Variants in SIPA1L3 observed in about 807,000 individuals in gnomAD.
The protein encoded by SIPA1L3 is signal induced proliferation associated 1 like 3.
A neutral mutation model predicts 150.1 loss-of-function variants in SIPA1L3; 59 were observed. The observed-to-expected ratio is 0.39, with a 90% CI of 0.32 to 0.49. SIPA1L3 has a LOEUF of 0.49. Ranked by LOEUF, SIPA1L3 falls within the 20% of genes least tolerant of loss-of-function variation. SIPA1L3 has a pLI of 0.86. For synonymous variants in SIPA1L3, 1,070 were observed against 1,077.6 expected (o/e 0.99, Z 0.14); for missense variants, 2,211 against 2,489.5 (o/e 0.89, Z 2.38).
At chr19:37,918,911 T>TAAATAAATAAAC (rs1555764307) in intron 1 of SIPA1L3, among the ~76,000 whole-genome samples, 9 of 149,572 alleles carry the variant, frequency 6.0e-5, no homozygotes, top group Non-Finnish European at 1.3e-4. Flanking sequence ...AATAAATAAA[T>TAAATAAATAAAC]AAATAAACAA....
At chr19:38,014,543 TC>T (rs1203974249) in intron 1 of SIPA1L3, among the ~76,000 whole-genome samples, 10 of 114,024 alleles carry the variant, frequency 8.8e-5, no homozygotes, top group Non-Finnish European at 1.0e-4. Flanking sequence ...CACACCACAT[TC>T]TTTTTTTTTT....
intron 1 of SIPA1L3, among the ~76,000 whole-genome samples, chr19:37,961,687 T>A (rs1019627026): frequency 8.5e-5 from 13 of 152,332 alleles, no homozygotes; most frequent in African/African-American, 3.1e-4. Context: ...TTTGGGCTAT[T>A]ACTTGTTCAG....
chr19:37,987,640 C>T (rs833910), intron 1 of SIPA1L3, among the ~76,000 whole-genome samples: 96,046 of 152,052 alleles, frequency 0.63, 30,917 homozygotes, highest in East Asian at 0.86. Context: ...CCAGCGGCCT[C>T]GCACCCTCTA....
chr19:38,175,782 G>T (rs925040398), intron 15 of SIPA1L3, among the ~76,000 whole-genome samples: 3 of 152,222 alleles, frequency 2.0e-5, no homozygotes, highest in African/African-American at 7.2e-5. Flanking sequence ...ACGCAAGTTG[G>T]CCACTGTGTT....
chr19:38,055,600 A>G (rs925819771), intron 2 of SIPA1L3, among the ~76,000 whole-genome samples: 1 of 152,188 alleles, frequency 6.6e-6, no homozygotes, highest in African/African-American at 2.4e-5. Flanking sequence ...GTATCCTGCC[A>G]CCCCAACAAA....
intron 2 of SIPA1L3, among the ~76,000 whole-genome samples, chr19:38,041,767 G>A (rs1968931620): frequency 6.6e-6 from 1 of 150,462 alleles, no homozygotes. Context: ...TATAGAGACA[G>A]GTCTCACTAT....
intron 1 of SIPA1L3, among the ~76,000 whole-genome samples, chr19:38,026,394 A>G (rs1968511227): frequency 6.6e-6 from 1 of 152,124 alleles, no homozygotes; most frequent in African/African-American, 2.4e-5. Context: ...ACCCCGGGCC[A>G]TCTCTGAAGC....
intron 1 of SIPA1L3, among the ~76,000 whole-genome samples, chr19:37,957,335 C>G (rs1439198078): frequency 2.0e-5 from 3 of 152,190 alleles, no homozygotes; most frequent in East Asian, 3.8e-4. Context: ...ATTTGATAGA[C>G]TGTGTGTTGA....
At chr19:38,189,993 C>T (rs1486269799) in intron 16 of SIPA1L3, among the ~76,000 whole-genome samples, 2 of 152,134 alleles carry the variant, frequency 1.3e-5, no homozygotes, top group African/African-American at 4.8e-5. Flanking sequence ...GGGCCTGGCC[C>T]TTTCCTGGCT....
At chr19:38,097,257 G>C (rs1259331280) in intron 4 of SIPA1L3, among the ~76,000 whole-genome samples, 1 of 152,198 alleles carries the variant, frequency 6.6e-6, no homozygotes, top group East Asian at 1.9e-4. Flanking sequence ...GGCTGAGGCA[G>C]GGGATCTCTT....
At position 38,082,790 on chromosome 19, in the gene SIPA1L3, G is replaced by A; in HGVS notation, c.1225G>A (p.Glu409Lys). 1 of 1,613,490 alleles carries A rather than the reference G, an allele frequency of 6.2e-7. No homozygotes were observed. The highest frequency in any genetic ancestry group is 8.5e-7 in the Non-Finnish European group (1 of 1,179,890). Residue 409 changes from glutamate (E) to lysine (K), a missense_variant, in exon 3 of 22, where the codon GAG (glutamate) becomes AAG (lysine). Transcript: ENST00000222345. ...FTSTEDLNCKENLEQDLGDDN... is the reference protein window; with the variant it reads ...FTSTEDLNCKKNLEQDLGDDN... The stretch of plus-strand genomic sequence containing the variant: ...CAGCACAGAGGACCTAAACTGCAAG[G>A]AGAACTTGGAGCAGGACCTCGGCGA...
chr19:37,969,561 AT>A (rs1414482898), intron 1 of SIPA1L3, among the ~76,000 whole-genome samples: 11 of 152,262 alleles, frequency 7.2e-5, no homozygotes, highest in East Asian at 5.8e-4. Flanking sequence ...AAAAAAAAAA[AT>A]AACACAAATA....
At chr19:37,997,155 C>G (rs1322151063) in intron 1 of SIPA1L3, among the ~76,000 whole-genome samples, 1 of 152,134 alleles carries the variant, frequency 6.6e-6, no homozygotes, top group East Asian at 1.9e-4. Flanking sequence ...TTAATAGATA[C>G]CTTCGTCTTC....
At chr19:37,971,690 G>A (rs931050645) in intron 1 of SIPA1L3, among the ~76,000 whole-genome samples, 1 of 151,984 alleles carries the variant, frequency 6.6e-6, no homozygotes, top group Non-Finnish European at 1.5e-5. Context: ...TTAGCCTCCT[G>A]AGTACCTGGG....
intron 4 of SIPA1L3, among the ~76,000 whole-genome samples, chr19:38,091,841 C>T (rs1285192477): frequency 1.3e-5 from 2 of 151,572 alleles, no homozygotes; most frequent in Non-Finnish European, 2.9e-5. Flanking sequence ...GTGGATCACC[C>T]GAGGTCAGGA....
intron 1 of SIPA1L3, among the ~76,000 whole-genome samples, chr19:37,986,895 A>G (rs546622910): frequency 6.6e-6 from 1 of 152,218 alleles, no homozygotes; most frequent in East Asian, 1.9e-4. Flanking sequence ...GTTCTCATTC[A>G]TCTGGTCTGA....
intron 8 of SIPA1L3, among the ~76,000 whole-genome samples, chr19:38,112,305 C>T (rs200640057): frequency 2.3e-4 from 35 of 152,156 alleles, no homozygotes; most frequent in African/African-American, 5.3e-4. Flanking sequence ...TACATGCACA[C>T]GCACACATAC....
intron 1 of SIPA1L3, among the ~76,000 whole-genome samples, chr19:37,997,295 C>T (rs998350558): frequency 1.1e-4 from 17 of 151,984 alleles, no homozygotes; most frequent in East Asian, 1.9e-4. Flanking sequence ...GGGCCGGGCA[C>T]GGTGGCTCAC....
intron 2 of SIPA1L3, among the ~76,000 whole-genome samples, chr19:38,061,260 C>T (rs762923407): frequency 1.5e-4 from 23 of 151,564 alleles, no homozygotes; most frequent in Non-Finnish European, 2.9e-4. Context: ...GATGGGGTCT[C>T]GCTATGTTGC....
Sources: gnomAD v4.1 joint callset for allele counts (sites outside exome capture counted in the v4.1 genomes callset) on GRCh38, gnomAD v4.1.1 for gene constraint, MANE v1.5 for transcripts, NCBI Gene and HGNC (gene_info 2026-07-23, HGNC 2026-07-21) for gene names.